The following TMED3 variants were observed in gnomAD, a reference collection of about 807,000 sequenced individuals.
TMED3 encodes transmembrane emp24 domain-containing protein 3.
TMED3 carries 9 observed loss-of-function variants against 15.0 expected under a neutral mutation model. The observed-to-expected ratio is 0.60, with a 90% CI of 0.36 to 1.04. The LOEUF is 1.04. Among genes scored for constraint, TMED3 ranks in the 50% least tolerant of loss-of-function variants. TMED3 has a pLI of 0.01. For missense variants in TMED3, 267 were observed against 278.9 expected (o/e 0.96, Z 0.30); for synonymous variants, 117 against 121.4 (o/e 0.96, Z 0.24).
At chr15:79,340,436 A>G (rs1314417508) in intron 2 of TMED3, among the ~76,000 whole-genome samples, 1 of 152,176 alleles carries the variant, frequency 6.6e-6, no homozygotes, top group Non-Finnish European at 1.5e-5. Context: ...CTGGACTGCA[A>G]TTTCTTGAGA....
intron 2 of TMED3, among the ~76,000 whole-genome samples, chr15:79,389,140 G>A (rs1250787746): frequency 6.6e-6 from 1 of 152,044 alleles, no homozygotes; most frequent in Non-Finnish European, 1.5e-5. Flanking sequence ...TTGCCTTTGG[G>A]TTCTTGGTCA....
At chr15:79,334,836 G>A (rs955437456) in intron 2 of TMED3, among the ~76,000 whole-genome samples, 1 of 150,888 alleles carries the variant, frequency 6.6e-6, no homozygotes, top group Non-Finnish European at 1.5e-5. Flanking sequence ...AAGGTTACAA[G>A]AAATTGTAGA....
chr15:79,373,843 A>G (rs987776707), intron 2 of TMED3, among the ~76,000 whole-genome samples: 2 of 152,236 alleles, frequency 1.3e-5, no homozygotes, highest in Admixed American at 6.5e-5. Context: ...CTTACAGGTC[A>G]TAGGTGGATT....
exon 3 of TMED3, chr15:79,412,469 C>T (rs1409344559): frequency 2.0e-5 from 3 of 152,430 alleles, no homozygotes; most frequent in Non-Finnish European, 4.4e-5. Context: ...GAACAGTGGA[C>T]TTACCACACC....
At chr15:79,372,772 C>T (rs1461029774) in intron 2 of TMED3, among the ~76,000 whole-genome samples, 1 of 152,202 alleles carries the variant, frequency 6.6e-6, no homozygotes, top group African/African-American at 2.4e-5. Context: ...CACAGCCAAA[C>T]CATATCACTC....
intron 2 of TMED3, chr15:79,383,373 C>G: frequency 4.2e-6 from 1 of 239,504 alleles, no homozygotes; most frequent in Non-Finnish European, 8.1e-6. Context: ...GAAGGTCCCT[C>G]ACACCATCCT....
intron 2 of TMED3, among the ~76,000 whole-genome samples, chr15:79,377,941 C>T (rs1054576066): frequency 3.9e-5 from 6 of 152,138 alleles, no homozygotes; most frequent in South Asian, 2.1e-4. Flanking sequence ...CCACCGCGCC[C>T]GGCTGAACAA....
At chr15:79,318,807 C>T (rs1306025283) in intron 2 of TMED3, among the ~76,000 whole-genome samples, 1 of 152,198 alleles carries the variant, frequency 6.6e-6, no homozygotes, top group Non-Finnish European at 1.5e-5. Flanking sequence ...ACCATTGTCC[C>T]CAGTGCAGAG....
chr15:79,351,641 G>A (rs998533651), intron 2 of TMED3, among the ~76,000 whole-genome samples: 6 of 152,208 alleles, frequency 3.9e-5, no homozygotes, highest in Non-Finnish European at 5.9e-5. Context: ...GTAAACTAGT[G>A]CAACCACTAT....
chr15:79,334,170 C>G (rs1223485612), intron 2 of TMED3, among the ~76,000 whole-genome samples: 1 of 152,100 alleles, frequency 6.6e-6, no homozygotes, highest in Non-Finnish European at 1.5e-5. Context: ...AAAATCAACC[C>G]AAGCAAATAA....
At chr15:79,354,899 G>A (rs1272004500) in intron 2 of TMED3, among the ~76,000 whole-genome samples, 2 of 152,104 alleles carry the variant, frequency 1.3e-5, no homozygotes, top group African/African-American at 2.4e-5. Flanking sequence ...TGTTGGGGTG[G>A]AGAAGCATCA....
intron 2 of TMED3, among the ~76,000 whole-genome samples, chr15:79,337,965 A>G (rs560955355): frequency 3.0e-4 from 45 of 152,386 alleles, no homozygotes; most frequent in African/African-American, 1.1e-3. Context: ...TAACAGTTGG[A>G]AATGAATAAA....
intron 2 of TMED3, among the ~76,000 whole-genome samples, chr15:79,363,166 TTA>T (rs1222387556): frequency 6.6e-6 from 1 of 152,208 alleles, no homozygotes; most frequent in Admixed American, 6.5e-5. Context: ...AAAAATAGTT[TTA>T]TGTCTTGTAT....
In TMED3 at chr15:79,313,958, C is replaced by G; in HGVS notation, c.370C>G (p.Pro124Ala). ...VYFDFQVGDE[P>A]PILPDMGNRV... ...CTTTGACTTTCAAGTGGGCGATGAGCCTCCCATTCTCCCAGACATGGGGAA... is the reference window on the plus strand; with the variant it reads ...CTTTGACTTTCAAGTGGGCGATGAGGCTCCCATTCTCCCAGACATGGGGAA... Residue 124 changes from proline (P) to alanine (A), a missense_variant, in exon 2 of 3, where the codon CCT (proline) becomes GCT (alanine). By Grantham distance (27) the Pro-to-Ala change is conservative. Around this residue, in one of 3 missense-constraint regions of TMED3, gnomAD observed 139 missense variants for 125.0 expected, o/e 1.11. Coordinates refer to ENST00000299705, the MANE Select transcript of TMED3 (RefSeq NM_007364.4). 1 of 1,614,174 alleles carries G rather than the reference C, an allele frequency of 6.2e-7. No individual in the cohort carries two copies. Among genetic ancestry groups the G allele is most frequent in the South Asian group, 1.1e-5 (1 of 91,078 alleles).
intron 2 of TMED3, among the ~76,000 whole-genome samples, chr15:79,352,836 A>G (rs1176953933): frequency 7.8e-6 from 1 of 128,064 alleles, no homozygotes; most frequent in East Asian, 2.2e-4. Flanking sequence ...AATTTTATAT[A>G]TATATATATA....
At chr15:79,397,059 G>C (rs1893771804) in intron 2 of TMED3, among the ~76,000 whole-genome samples, 1 of 152,178 alleles carries the variant, frequency 6.6e-6, no homozygotes, top group Admixed American at 6.5e-5. Flanking sequence ...CTTGAAAGCA[G>C]GAGTGTCAAA....
At chr15:79,337,913 G>A (rs1033567728) in intron 2 of TMED3, among the ~76,000 whole-genome samples, 1 of 152,218 alleles carries the variant, frequency 6.6e-6, no homozygotes, top group African/African-American at 2.4e-5. Flanking sequence ...GGATGGGAAT[G>A]AATAAACAAA....
intron 1 of TMED3, 52 bp downstream of exon 1, chr15:79,311,469 A>T (rs1432038672): frequency 1.9e-6 from 3 of 1,555,578 alleles, no homozygotes; most frequent in Middle Eastern, 1.9e-4. Context: ...CCCAGGTCTC[A>T]CCTGGACACT....
chr15:79,354,391 T>C, intron 2 of TMED3, among the ~76,000 whole-genome samples: 1 of 152,198 alleles, frequency 6.6e-6, no homozygotes, highest in East Asian at 1.9e-4. Flanking sequence ...GGAAGTTTTC[T>C]GCACAGAGAA....
Sources: gnomAD v4.1 joint callset for allele counts (sites outside exome capture counted in the v4.1 genomes callset) on GRCh38, gnomAD v4.1.1 for gene constraint, gnomAD v4.1.1 regional missense constraint, MANE v1.5 for transcripts, NCBI Gene and HGNC (gene_info 2026-07-23, HGNC 2026-07-21) for gene names.